Variants in ATP6V0E1 observed in about 807,000 individuals in gnomAD.
ATP6V0E1 encodes V-type proton ATPase subunit e 1.
ATP6V0E1 carries 4 observed loss-of-function variants against 11.6 expected under a neutral mutation model. That is an observed-to-expected ratio of 0.35 (90% CI 0.17 to 0.79). ATP6V0E1 has a LOEUF of 0.79. ATP6V0E1 is among the 30% of genes least tolerant of loss of function. The pLI is 0.54. For missense variants in ATP6V0E1, 105 were observed against 100.0 expected (o/e 1.05, Z -0.21); for synonymous variants, 36 against 34.8 (o/e 1.04, Z -0.13).
intron 1 of ATP6V0E1, among the ~76,000 whole-genome samples, chr5:172,993,512 CAAAA>C (rs1022282842): frequency 5.3e-5 from 8 of 151,194 alleles, no homozygotes; most frequent in Admixed American, 1.3e-4. Flanking sequence ...TCTCAAAAAA[CAAAA>C]AAGACACACA....
rs371416484 is a variant in ATP6V0E1 at position 173,024,370 on chromosome 5, G to GTTGTGTTTTTTTGTTTTTGTTTT, written c.*36+4012_*36+4013insTTTGTTTTTGTTTTTTGTGTTTT. The stretch of plus-strand genomic sequence containing the variant: ...AATTATATTTTTTACCCTTTATATG[G>GTTGTGTTTTTTTGTTTTTGTTTT]TTGTGTTTTGTTGTTGTTGTTTTTT... On this transcript the variant is annotated intron_variant, in intron 3 of 3. Transcript: ENST00000519374. Among the ~76,000 whole-genome samples, 769 of 151,782 alleles carry GTTGTGTTTTTTTGTTTTTGTTTT rather than the reference G, an allele frequency of 5.1e-3. 8 individuals are homozygous for GTTGTGTTTTTTTGTTTTTGTTTT. The highest frequency in any genetic ancestry group is 0.018 in the African/African-American group (731 of 41,368).
chr5:173,009,359 T>G (rs1756279972), intron 2 of ATP6V0E1, among the ~76,000 whole-genome samples: 1 of 151,826 alleles, frequency 6.6e-6, no homozygotes, highest in Admixed American at 6.6e-5. Flanking sequence ...GGCCAGGAGT[T>G]CAAGACCACC....
At chr5:172,990,183 T>A (rs912834411) in intron 1 of ATP6V0E1, among the ~76,000 whole-genome samples, 2 of 152,166 alleles carry the variant, frequency 1.3e-5, no homozygotes, top group East Asian at 1.9e-4. Flanking sequence ...AAAAATAGCC[T>A]ACGATCACTT....
intron 2 of ATP6V0E1, among the ~76,000 whole-genome samples, chr5:172,999,138 A>G (rs1364497402): frequency 2.6e-5 from 4 of 151,876 alleles, no homozygotes; most frequent in Non-Finnish European, 5.9e-5. Context: ...CTCAGGAGGG[A>G]AAAAAAAGGG....
Position 173,022,651 on chromosome 5 carries a change from G to GT in ATP6V0E1, c.*36+2289dup, listed in dbSNP as rs202057707. ...TGAGCCACCATACCCTAACTTTTTT[G>GT]TTTTTGAAAGAGAGTCTCTGTCACC... On this transcript the variant is annotated intron_variant, in intron 3 of 3. Coordinates refer to ENST00000519374, the MANE Select transcript of ATP6V0E1 (RefSeq NM_003945.4). 1.0e-3 allele frequency among the ~76,000 whole-genome samples: 155 copies of GT among 151,644 alleles called. 2 individuals carry two copies. In the East Asian group the frequency reaches 0.025, roughly 24 times the overall value.
chr5:173,000,701 A>ATTT lies in ATP6V0E1; in HGVS notation c.152+5894_152+5896dup, dbSNP rs34202828. Among the ~76,000 whole-genome samples the ATTT allele has an allele frequency of 9.1e-4, 128 of 139,992 alleles. 3 individuals are homozygous for ATTT. The East Asian group carries it at 0.01, about 11-fold the overall frequency. The allele number at this position is 139,992 out of a possible 152,430, so 91.8% of individuals were successfully genotyped here. ...AAAAATCAAAGTAATATTATCAGTG[A>ATTT]TTTTTTTTTTTTTTTTTGAGATAGA... On this transcript the variant is annotated intron_variant, in intron 2 of 3. Coordinates refer to ENST00000519374, the MANE Select transcript of ATP6V0E1 (RefSeq NM_003945.4).
chr5:172,999,348 C>G lies in ATP6V0E1; in HGVS notation c.152+4526C>G, dbSNP rs112472933. 8.7e-3 allele frequency among the ~76,000 whole-genome samples: 1,314 copies of G among 151,602 alleles called. 19 individuals are homozygous for G. Among genetic ancestry groups the G allele is most frequent in the African/African-American group, 0.03 (1,253 of 41,326 alleles). ...TTTTTTTTTTTTCTTTCTGGACACA[C>G]AGTCTTGCTCTGTCACCCAGGCTGG... On this transcript the variant is annotated intron_variant, in intron 2 of 3. Transcript: ENST00000519374.
At chr5:173,008,632 G>A (rs567685385) in intron 2 of ATP6V0E1, among the ~76,000 whole-genome samples, 1 of 147,886 alleles carries the variant, frequency 6.8e-6, no homozygotes, top group Non-Finnish European at 1.5e-5. Flanking sequence ...CAACTGGGCT[G>A]GGCGCGGTGG....
At position 173,018,239 on chromosome 5, in the gene ATP6V0E1, G is replaced by A. The variant is rs535195787; in HGVS notation, c.153-1999G>A. Among the ~76,000 whole-genome samples, 10 of 152,284 alleles carry A rather than the reference G, an allele frequency of 6.6e-5. No individual in the cohort carries two copies. In the South Asian group the frequency reaches 2.1e-3, roughly 32 times the overall value. ...CGTGTTCCTATAATAAAGGAAGGTAGAGAAAAGAAAATGTTAAGAAAATCA... is the reference window on the plus strand; with the variant it reads ...CGTGTTCCTATAATAAAGGAAGGTAAAGAAAAGAAAATGTTAAGAAAATCA... On this transcript the variant is annotated intron_variant, in intron 2 of 3. Transcript: ENST00000519374.
intron 2 of ATP6V0E1, among the ~76,000 whole-genome samples, chr5:173,010,551 TAATACC>T (rs1300087117): frequency 1.3e-5 from 2 of 152,192 alleles, no homozygotes; most frequent in Admixed American, 6.5e-5. Context: ...CGACTCTGTC[TAATACC>T]GAATCCCATG....
At chr5:173,005,599 A>G (rs935044882) in intron 2 of ATP6V0E1, among the ~76,000 whole-genome samples, 6 of 152,210 alleles carry the variant, frequency 3.9e-5, no homozygotes, top group Non-Finnish European at 8.8e-5. Context: ...TATCAATTTT[A>G]TTAATCTTTT....
rs60728179 is a variant in ATP6V0E1 at position 173,034,890 on chromosome 5, A to C, written c.*528A>C. The C allele has an allele frequency of 1.3e-4, 20 of 156,198 alleles. No individual in the cohort carries two copies. The East Asian group carries it at 3.7e-3, about 29-fold the overall frequency. 9.7% of individuals were successfully genotyped at this position (156,198 alleles called of 1,614,324 possible). The stretch of plus-strand genomic sequence containing the variant: ...ATAAATATTTTCCTCCTTTCTATGG[A>C]AATCTGGGCTCGGTGTTTGTAAAGT... On this transcript the variant is annotated 3_prime_UTR_variant, in exon 4 of 4. Transcript: ENST00000519374.
Position 173,033,094 on chromosome 5 carries a change from G to GA in ATP6V0E1, c.*37-1298dup, listed in dbSNP as rs551973064. Among the ~76,000 whole-genome samples, 933 of 152,210 alleles carry GA rather than the reference G, an allele frequency of 6.1e-3. 7 individuals carry two copies. Among genetic ancestry groups the GA allele is most frequent in the South Asian group, 0.032 (152 of 4,818 alleles). On this transcript the variant is annotated intron_variant, in intron 3 of 3. Coordinates refer to ENST00000519374, the MANE Select transcript of ATP6V0E1 (RefSeq NM_003945.4). ...GGCAGGTGAGAGAGCGAGACTGTCT[G>GA]AAAAAAATATTATTTATTGATTAGA... is the stretch of plus-strand genomic sequence containing the variant.
rs145220195 is a variant in ATP6V0E1 at position 173,024,467 on chromosome 5, T to C, written c.*36+4100T>C. Among the ~76,000 whole-genome samples the C allele has an allele frequency of 1.2e-3, 186 of 152,262 alleles. 1 individual carries two copies. Among genetic ancestry groups the C allele is most frequent in the African/African-American group, 4.1e-3 (170 of 41,574 alleles). On this transcript the variant is annotated intron_variant, in intron 3 of 3. Coordinates refer to ENST00000519374, the MANE Select transcript of ATP6V0E1 (RefSeq NM_003945.4). ...ATGTACTTTTGGTGTTAGTTTTTGG[T>C]AGTTTCCTTACTTTCTGGCAACATC...
At chr5:173,008,867 G>A (rs185796884) in intron 2 of ATP6V0E1, among the ~76,000 whole-genome samples, 1,936 of 144,538 alleles carry the variant, frequency 0.013, 48 homozygotes, top group African/African-American at 0.047. Context: ...GCAGAGATTG[G>A]GCCACTGCAC....
At position 173,013,293 on chromosome 5, in the gene ATP6V0E1, TG is replaced by T. The variant is rs773717683; in HGVS notation, c.153-6943del. Among the ~76,000 whole-genome samples, 3 of 140,172 alleles carry T rather than the reference TG, an allele frequency of 2.1e-5. No individual in the cohort carries two copies. The East Asian group carries it at 6.3e-4, about 30-fold the overall frequency. 92.0% of individuals were successfully genotyped at this position (140,172 alleles called of 152,430 possible). ...GAAACAATAGAATAAAGAGACAACT[TG>T]GCCGGGCGCGGTGGCTCACGCCTGT... On this transcript the variant is annotated intron_variant, in intron 2 of 3. Coordinates refer to ENST00000519374, the MANE Select transcript of ATP6V0E1 (RefSeq NM_003945.4).
At chr5:172,990,195 GA>G (rs1208905794) in intron 1 of ATP6V0E1, among the ~76,000 whole-genome samples, 1 of 151,862 alleles carries the variant, frequency 6.6e-6, no homozygotes, top group Non-Finnish European at 1.5e-5. Flanking sequence ...CGATCACTTG[GA>G]AAAAACTCTT....
rs143544014 is a variant in ATP6V0E1, at chr5:173,000,194, G to A, written c.152+5372G>A. On this transcript the variant is annotated intron_variant, in intron 2 of 3. Coordinates refer to ENST00000519374, the MANE Select transcript of ATP6V0E1 (RefSeq NM_003945.4). The stretch of plus-strand genomic sequence containing the variant: ...TTGTTCTAGTTTAAAGTTTGATTCC[G>A]TGAGGCTCAACTTGTTTGAGCTCTG... 1.1e-3 allele frequency among the ~76,000 whole-genome samples: 170 copies of A among 152,170 alleles called. 3 individuals are homozygous for A. The Middle Eastern group carries it at 0.017, about 15-fold the overall frequency.
chr5:172,985,905 A>T (rs1320651086), intron 1 of ATP6V0E1, among the ~76,000 whole-genome samples: 1 of 152,228 alleles, frequency 6.6e-6, no homozygotes, highest in Non-Finnish European at 1.5e-5. Context: ...AGCCTACTAC[A>T]CACCTAGGCT....
Sources: allele counts gnomAD v4.1 joint callset (sites outside exome capture counted in the v4.1 genomes callset), GRCh38; gene constraint gnomAD v4.1.1; transcripts MANE v1.5; gene names NCBI Gene and HGNC (gene_info 2026-07-23, HGNC 2026-07-21).